The following SLC8B1 variants were observed in gnomAD, a reference collection of about 807,000 sequenced individuals.
SLC8B1 encodes mitochondrial sodium/calcium exchanger protein.
Under a neutral mutation model 63.4 loss-of-function variants are expected in SLC8B1, and 52 were observed. The ratio of observed to expected loss-of-function variants is 0.82; its 90% confidence interval spans 0.66 to 1.03. The LOEUF is 1.03. Ranked by LOEUF, SLC8B1 falls within the 50% of genes least tolerant of loss-of-function variation. The probability of loss-of-function intolerance (pLI) is 0.00; values close to 1 mark genes in which losing one functional copy is unlikely to be tolerated. For synonymous variants in SLC8B1, 336 were observed against 323.9 expected (o/e 1.04, Z -0.40); for missense variants, 657 against 741.7 (o/e 0.89, Z 1.33).
rs1030848927 is a variant in SLC8B1 at position 113,318,879 on chromosome 12, C to T, written c.802+85G>A. On this transcript the variant is annotated intron_variant, in intron 8 of 15. Coordinates refer to ENST00000680972, the MANE Select transcript of SLC8B1 (RefSeq NM_001358345.2). Reference sequence around the variant, plus strand: ...GAGATGAGCTTGGTGGGGACAATGGCCTCAGGAGACCCTGGGCAGCACTGA... The same window carrying T: ...GAGATGAGCTTGGTGGGGACAATGGTCTCAGGAGACCCTGGGCAGCACTGA... 9 of 1,029,002 alleles carry T rather than the reference C, an allele frequency of 8.7e-6. No homozygotes were observed. In the African/African-American group the frequency reaches 9.5e-5, roughly 11 times the overall value. The allele number at this position is 1,029,002 out of a possible 1,614,324, so 63.7% of individuals were successfully genotyped here.
Position 113,307,796 on chromosome 12 carries a change from CCG to C in SLC8B1, c.1304_1305del (p.Ala435GlyfsTer140). ...GFLTSALWIN[A>X]AATEVVNILR... ...AAGATGTTCACCACCTCTGTGGCGG[CCG>C]CGTTGATCCACAGGGCGCTGGTCAG... On this transcript the variant is annotated frameshift_variant, in exon 13 of 16. Transcript: ENST00000680972. LOFTEE classifies it high-confidence loss of function. 2 of 1,613,652 alleles carry C rather than the reference CCG, an allele frequency of 1.2e-6. No homozygotes were observed. The highest frequency in any genetic ancestry group is 1.7e-6 in the Non-Finnish European group (2 of 1,180,022).
chr12:113,312,585 C>T (rs1956779309), intron 11 of SLC8B1, among the ~76,000 whole-genome samples: 1 of 152,168 alleles, frequency 6.6e-6, no homozygotes, highest in African/African-American at 2.4e-5. Flanking sequence ...CCCCTTCAGG[C>T]TGGGAGCCAG....
chr12:113,307,604 T>A, intron 13 of SLC8B1, 87 bp downstream of exon 13: 2 of 1,505,312 alleles, frequency 1.3e-6, no homozygotes, highest in Non-Finnish European at 1.8e-6. Context: ...TGGACACTCC[T>A]GCCCAGATGC....
At chr12:113,329,519 C>T (rs1156344683) in intron 2 of SLC8B1, among the ~76,000 whole-genome samples, 2 of 152,154 alleles carry the variant, frequency 1.3e-5, no homozygotes, top group Non-Finnish European at 2.9e-5. Flanking sequence ...CATTACTGTG[C>T]AGTCTGTCTC....
rs773636454 is a variant in SLC8B1 at position 113,303,141 on chromosome 12, A to ACACACACG, written c.1557+1179_1557+1180insCGTGTGTG. 2.9e-3 allele frequency among the ~76,000 whole-genome samples: 425 copies of ACACACACG among 145,734 alleles called. 1 individual carries two copies. The highest frequency in any genetic ancestry group is 9.1e-3 in the African/African-American group (346 of 38,136). Reference sequence around the variant, plus strand: ...CACACACACACACACACACACACACACGCGCGCGCACAGGAGAAAAGAGGA... The same window carrying ACACACACG: ...CACACACACACACACACACACACACACACACACGCGCGCGCGCACAGGAGAAAAGAGGA... On this transcript the variant is annotated intron_variant, in intron 15 of 15. Transcript: ENST00000680972.
intron 1 of SLC8B1, among the ~76,000 whole-genome samples, chr12:113,333,195 C>T (rs1435683284): frequency 6.6e-6 from 1 of 152,180 alleles, no homozygotes. Context: ...CTACCCAGTC[C>T]CACCTGGCCC....
intron 15 of SLC8B1, chr12:113,302,802 A>G (rs183207230): frequency 3.0e-4 from 134 of 451,082 alleles, no homozygotes; most frequent in African/African-American, 2.5e-3. Flanking sequence ...GGGATGCCAT[A>G]TTACACACGC....
At chr12:113,321,447 G>T in intron 2 of SLC8B1, 99 bp from the exon 3 acceptor site, 1 of 1,518,492 alleles carries the variant, frequency 6.6e-7, no homozygotes, top group Non-Finnish European at 9.0e-7. Flanking sequence ...CTTCAGCCTG[G>T]TCTCCAAGGC....
intron 2 of SLC8B1, among the ~76,000 whole-genome samples, chr12:113,323,339 C>A (rs1956956119): frequency 6.6e-6 from 1 of 152,196 alleles, no homozygotes; most frequent in Admixed American, 6.5e-5. Context: ...GGGAAATAAG[C>A]AATTCTCATA....
rs1165281542 is a variant in SLC8B1, at chr12:113,299,034, CA to C, written c.*742del. On this transcript the variant is annotated 3_prime_UTR_variant, in exon 16 of 16. Coordinates refer to ENST00000680972, the MANE Select transcript of SLC8B1 (RefSeq NM_001358345.2). ...CTGGCAGCTGGAGGAGCCCAGGTTCCAGCACAAAGGAGTCTGTGGACAGGCA... is the reference window on the plus strand; with the variant it reads ...CTGGCAGCTGGAGGAGCCCAGGTTCCGCACAAAGGAGTCTGTGGACAGGCA... 1 of 152,324 alleles carries C rather than the reference CA, an allele frequency of 6.6e-6. No individual in the cohort carries two copies. The highest frequency in any genetic ancestry group is 1.5e-5 in the Non-Finnish European group (1 of 68,186). The allele number at this position is 152,324 out of a possible 1,614,324, so 9.4% of individuals were successfully genotyped here.
chr12:113,318,861 G>C, intron 8 of SLC8B1, 103 bp downstream of exon 8: 1 of 823,482 alleles, frequency 1.2e-6, no homozygotes, highest in Non-Finnish European at 2.0e-6. Context: ...GAGGAGATGA[G>C]CTTGGTGGGG....
In SLC8B1 at chr12:113,321,621, C is replaced by T. The variant is rs141302037; in HGVS notation, c.157-273G>A. ...TTCTTATCCCTGCCCTCCGTAAATC[C>T]CCCTCTCCAGTGGTCCCACCATAAT... On this transcript the variant is annotated intron_variant, in intron 2 of 15. Coordinates refer to ENST00000680972, the MANE Select transcript of SLC8B1 (RefSeq NM_001358345.2). 5.4e-3 allele frequency among the ~76,000 whole-genome samples: 827 copies of T among 152,086 alleles called. 9 individuals carry two copies. Among genetic ancestry groups the T allele is most frequent in the African/African-American group, 0.018 (765 of 41,494 alleles).
In SLC8B1 at chr12:113,332,884, C is replaced by T. The variant is rs765750170; in HGVS notation, c.-6G>A. 7 of 1,613,584 alleles carry T rather than the reference C, an allele frequency of 4.3e-6. No homozygotes were observed. The South Asian group carries it at 7.7e-5, about 18-fold the overall frequency. ...TTCAGCCTTCTGCCGGCCATCTGCC[C>T]CCACGGGGCCTGGCCCTTACTCTCC... On this transcript the variant is annotated 5_prime_UTR_variant, in exon 2 of 16. Coordinates refer to ENST00000680972, the MANE Select transcript of SLC8B1 (RefSeq NM_001358345.2).
At chr12:113,310,469 A>G in intron 11 of SLC8B1, 114 bp from the exon 12 acceptor site, 1 of 1,354,790 alleles carries the variant, frequency 7.4e-7, no homozygotes. Flanking sequence ...TGTCCTAGAC[A>G]CTTCATGGGG....
rs1173078619 is a variant in SLC8B1, at chr12:113,316,534, C to T, written c.985G>A (p.Val329Met). ...RKSAYWKALK[V>M]FKLPVEFLLL... ...CTCCAGGACCCTCCTACCTTGAACA[C>T]CTTGAGGGCTTTCCAGTATGCTGAT... The change falls in exon 10 of 16, where the codon GTG becomes ATG. Residue 329 changes from valine to methionine, a missense_variant. Coordinates refer to ENST00000680972, the MANE Select transcript of SLC8B1 (RefSeq NM_001358345.2). 1 of 1,613,936 alleles carries T rather than the reference C, an allele frequency of 6.2e-7. No homozygotes were observed. Among genetic ancestry groups the T allele is most frequent in the African/African-American group, 1.3e-5 (1 of 74,936 alleles).
At chr12:113,313,979 G>C (rs960658913) in intron 11 of SLC8B1, among the ~76,000 whole-genome samples, 1 of 152,010 alleles carries the variant, frequency 6.6e-6, no homozygotes, top group Non-Finnish European at 1.5e-5. Flanking sequence ...CACTGTACTC[G>C]GGTCTGGGTG....
chr12:113,304,239 C>T (rs1440054786), intron 15 of SLC8B1, 82 bp downstream of exon 15: 2 of 1,356,354 alleles, frequency 1.5e-6, no homozygotes, highest in African/African-American at 2.9e-5. Context: ...GGACCCAGAT[C>T]CAAAGCCAGG....
chr12:113,306,410 C>A, intron 14 of SLC8B1, 85 bp downstream of exon 14: 2 of 1,213,168 alleles, frequency 1.6e-6, no homozygotes, highest in South Asian at 1.6e-5. Flanking sequence ...ACACCGAGAA[C>A]CAATCCCCAG....
intron 9 of SLC8B1, 46 bp from the exon 10 acceptor site, chr12:113,316,702 C>T (rs1213893744): frequency 6.2e-7 from 1 of 1,603,592 alleles, no homozygotes; most frequent in Admixed American, 1.7e-5. Flanking sequence ...GGCTGACTTG[C>T]TCTCCAGGAA....
Sources: gnomAD v4.1 joint callset for allele counts (sites outside exome capture counted in the v4.1 genomes callset) on GRCh38, gnomAD v4.1.1 for gene constraint, MANE v1.5 for transcripts, NCBI Gene and HGNC (gene_info 2026-07-23, HGNC 2026-07-21) for gene names.